Variants in NELL1 observed in about 807,000 individuals in gnomAD.
NELL1 encodes protein kinase C-binding protein NELL1.
A neutral mutation model predicts 107.4 loss-of-function variants in NELL1; 76 were observed. That is an observed-to-expected ratio of 0.71 (90% CI 0.59 to 0.86). NELL1 has a LOEUF of 0.86. Ranked by LOEUF, NELL1 falls within the 40% of genes least tolerant of loss-of-function variation. The probability of loss-of-function intolerance (pLI) is 0.00; values close to 1 mark genes in which losing one functional copy is unlikely to be tolerated. For missense variants in NELL1, 1,024 were observed against 1,005.5 expected (o/e 1.02, Z -0.25); for synonymous variants, 353 against 341.2 (o/e 1.03, Z -0.38).
chr11:21,075,491 G>T (rs985606812), intron 12 of NELL1, among the ~76,000 whole-genome samples: 1 of 151,908 alleles, frequency 6.6e-6, no homozygotes, highest in African/African-American at 2.4e-5. Context: ...TTTGAGACAG[G>T]GTCTCACTCT....
In NELL1 at chr11:20,732,789, G is replaced by A. The variant is rs190870491; in HGVS notation, c.185-50891G>A. On this transcript the variant is annotated intron_variant, in intron 2 of 19. Transcript: ENST00000357134. ...TAGCTGTACAAAGTTTTAAGTACCC[G>A]GTTTTGGAGCTTATTGTCGGCGGGG... Among the ~76,000 whole-genome samples the A allele has an allele frequency of 9.9e-5, 15 of 152,268 alleles. No homozygotes were observed. In the East Asian group the frequency reaches 2.5e-3, roughly 25 times the overall value.
chr11:20,966,317 A>G (rs1277710742), intron 12 of NELL1, among the ~76,000 whole-genome samples: 1 of 152,138 alleles, frequency 6.6e-6, no homozygotes, highest in African/African-American at 2.4e-5. Flanking sequence ...ATATGAGGGC[A>G]GAGCCATCAT....
In NELL1 at chr11:20,937,875, A is replaced by G. The variant is rs1850760257; in HGVS notation, c.1071+16A>G. 3 of 1,611,884 alleles carry G rather than the reference A, an allele frequency of 1.9e-6. No individual in the cohort carries two copies. The highest frequency in any genetic ancestry group is 2.5e-6 in the Non-Finnish European group (3 of 1,178,006). On this transcript the variant is annotated intron_variant, in intron 10 of 19. Transcript: ENST00000357134. ...GGAATGCCGAGTAAGTGTTAATTTTATGGTCCCTATCACTTCTGGAAAATG... is the reference window on the plus strand; with the variant it reads ...GGAATGCCGAGTAAGTGTTAATTTTGTGGTCCCTATCACTTCTGGAAAATG...
intron 15 of NELL1, among the ~76,000 whole-genome samples, chr11:21,427,649 T>C (rs1382030394): frequency 6.6e-6 from 1 of 152,122 alleles, no homozygotes; most frequent in Admixed American, 6.5e-5. Flanking sequence ...GGTGATAAGA[T>C]AGCTTGAACC....
intron 13 of NELL1, among the ~76,000 whole-genome samples, chr11:21,174,342 T>C (rs1590704587): frequency 2.0e-5 from 3 of 151,924 alleles, no homozygotes; most frequent in Non-Finnish European, 2.9e-5. Context: ...CAAAAAACTA[T>C]GTCTTCTAAC....
intron 2 of NELL1, among the ~76,000 whole-genome samples, chr11:20,691,094 T>C (rs997114967): frequency 7.9e-5 from 12 of 151,930 alleles, no homozygotes; most frequent in African/African-American, 2.9e-4. Flanking sequence ...TGTCTGTTAT[T>C]GGTGTATAAG....
In NELL1 at chr11:21,021,578, G is replaced by A. The variant is rs140261964; in HGVS notation, c.1300+61018G>A. ...TTCATATCTTTAGAGAAGCACCTGT[G>A]TAAATTGCACATGAACTGCTGTTCT... On this transcript the variant is annotated intron_variant, in intron 12 of 19. Transcript: ENST00000357134. Among the ~76,000 whole-genome samples, 121 of 152,152 alleles carry A rather than the reference G, an allele frequency of 8.0e-4. 1 individual carries two copies. The highest frequency in any genetic ancestry group is 6.8e-3 in the Middle Eastern group (2 of 294).
chr11:21,160,527 A>C (rs1189144523), intron 13 of NELL1, among the ~76,000 whole-genome samples: 1 of 152,126 alleles, frequency 6.6e-6, no homozygotes, highest in Non-Finnish European at 1.5e-5. Flanking sequence ...TTTCCTAGCT[A>C]TGTTAGACTC....
chr11:21,486,378 T>C (rs1287079690), intron 15 of NELL1, among the ~76,000 whole-genome samples: 1 of 152,180 alleles, frequency 6.6e-6, no homozygotes, highest in East Asian at 1.9e-4. Flanking sequence ...ATGCTGCTTA[T>C]AGGCCAGGAA....
chr11:21,555,393 C>T (rs967197553), intron 16 of NELL1, among the ~76,000 whole-genome samples: 4 of 151,824 alleles, frequency 2.6e-5, no homozygotes, highest in African/African-American at 9.7e-5. Context: ...GAGGGTCCCA[C>T]GGAAGCTTGC....
intron 2 of NELL1, among the ~76,000 whole-genome samples, chr11:20,769,905 A>G (rs1001825077): frequency 6.6e-6 from 1 of 152,178 alleles, no homozygotes; most frequent in African/African-American, 2.4e-5. Flanking sequence ...TGAAAAGAAT[A>G]TCTGTTGTCT....
intron 2 of NELL1, among the ~76,000 whole-genome samples, chr11:20,773,206 G>C (rs911130072): frequency 2.6e-5 from 4 of 152,172 alleles, no homozygotes; most frequent in Admixed American, 6.5e-5. Flanking sequence ...CCCAGCTGCA[G>C]CACCAGGGTT....
At chr11:21,122,571 A>T (rs1328456073) in intron 13 of NELL1, among the ~76,000 whole-genome samples, 2 of 152,202 alleles carry the variant, frequency 1.3e-5, no homozygotes, top group African/African-American at 2.4e-5. Context: ...AATTGAGAAT[A>T]TATACTAACT....
intron 15 of NELL1, among the ~76,000 whole-genome samples, chr11:21,512,347 A>C (rs35390002): frequency 0.5 from 75,338 of 151,930 alleles, 18,934 homozygotes; most frequent in East Asian, 0.62. Context: ...ACTAACTGAC[A>C]CTCAGAAGTC....
At chr11:21,332,025 TCA>T (rs140147582) in intron 14 of NELL1, among the ~76,000 whole-genome samples, 2,229 of 152,082 alleles carry the variant, frequency 0.015, 37 homozygotes, top group African/African-American at 0.051. Context: ...ACCCTAGGGC[TCA>T]GTTAGTTCTA....
intron 2 of NELL1, 109 bp downstream of exon 2, chr11:20,678,169 T>G: frequency 7.8e-7 from 1 of 1,281,754 alleles, no homozygotes. Context: ...GCTATTTCTC[T>G]TGTGTTGCTG....
chr11:21,184,323 C>T (rs1856888786), intron 13 of NELL1, among the ~76,000 whole-genome samples: 1 of 151,780 alleles, frequency 6.6e-6, no homozygotes, highest in African/African-American at 2.4e-5. Flanking sequence ...GGCTGGAGTG[C>T]AGTGGCACCA....
At chr11:20,789,924 T>A (rs183750198) in intron 3 of NELL1, among the ~76,000 whole-genome samples, 280 of 152,266 alleles carry the variant, frequency 1.8e-3, no homozygotes, top group African/African-American at 6.2e-3. Context: ...TGCTTAAGTT[T>A]CAGCAGAGAG....
At chr11:20,901,570 T>TTC (rs1484196003) in intron 5 of NELL1, among the ~76,000 whole-genome samples, 2 of 151,458 alleles carry the variant, frequency 1.3e-5, no homozygotes, top group Admixed American at 1.3e-4. Context: ...GATTTTTTTT[T>TTC]TTTTCCTGAT....
Sources: allele counts gnomAD v4.1 joint callset (sites outside exome capture counted in the v4.1 genomes callset), GRCh38; gene constraint gnomAD v4.1.1; transcripts MANE v1.5; gene names NCBI Gene and HGNC (gene_info 2026-07-23, HGNC 2026-07-21).